The following NR4A3 variants were observed in gnomAD, a reference collection of about 807,000 sequenced individuals.
The protein encoded by NR4A3 is chondrosarcoma, extraskeletal myxoid, fused to EWS.
In NR4A3, 13 loss-of-function variants were observed where a neutral mutation model predicts 55.6. That is an observed-to-expected ratio of 0.23 (90% CI 0.15 to 0.37). The LOEUF is 0.37. Among genes scored for constraint, NR4A3 ranks in the 10% least tolerant of loss-of-function variants. The pLI, the probability that NR4A3 is intolerant of heterozygous loss-of-function variation, is 1.00. For synonymous variants in NR4A3, 342 were observed against 357.9 expected (o/e 0.96, Z 0.50); for missense variants, 646 against 822.8 (o/e 0.79, Z 2.63).
intron 5 of NR4A3, among the ~76,000 whole-genome samples, chr9:99,836,037 G>T (rs1827553791): frequency 6.6e-6 from 1 of 152,082 alleles, no homozygotes; most frequent in Non-Finnish European, 1.5e-5. Context: ...ATCAAAAATT[G>T]GACCCAAATC....
chr9:99,826,659 G>A, intron 2 of NR4A3: 2 of 864,246 alleles, frequency 2.3e-6, no homozygotes, highest in Non-Finnish European at 1.9e-6. Flanking sequence ...ACTAGTGAGT[G>A]TATTTTTAAG....
rs142576300 is a variant in NR4A3, at chr9:99,864,950, G to T, written c.*1083G>T. The T allele has an allele frequency of 4.2e-4, 81 of 193,358 alleles. No individual in the cohort carries two copies. The highest frequency in any genetic ancestry group is 1.9e-3 in the African/African-American group (75 of 39,222). 12.0% of individuals were successfully genotyped at this position (193,358 alleles called of 1,614,324 possible). On this transcript the variant is annotated 3_prime_UTR_variant, in exon 8 of 8. Coordinates refer to ENST00000395097, the MANE Select transcript of NR4A3 (RefSeq NM_006981.4). ...AATTTAATTTTTGTTATTGGTTAAG[G>T]AGACAATTTTGGAGAGCAAGCAAAT... is the stretch of plus-strand genomic sequence containing the variant.
At chr9:99,829,951 G>A (rs995924613) in intron 3 of NR4A3, among the ~76,000 whole-genome samples, 17 of 152,186 alleles carry the variant, frequency 1.1e-4, no homozygotes, top group African/African-American at 3.1e-4. Context: ...TGACTCCTGA[G>A]TTCAGTGTTA....
intron 6 of NR4A3, among the ~76,000 whole-genome samples, chr9:99,846,576 A>G (rs932855755): frequency 6.6e-6 from 1 of 152,168 alleles, no homozygotes; most frequent in Admixed American, 6.5e-5. Flanking sequence ...GGTAATACAA[A>G]ATAAGGACTT....
chr9:99,858,459 A>T (rs1225125212), intron 7 of NR4A3, among the ~76,000 whole-genome samples: 1 of 152,234 alleles, frequency 6.6e-6, no homozygotes. Flanking sequence ...CCACACAAAG[A>T]TTAGGAGTGT....
intron 7 of NR4A3, among the ~76,000 whole-genome samples, chr9:99,858,516 C>T (rs1354993475): frequency 6.6e-6 from 1 of 152,180 alleles, no homozygotes; most frequent in Admixed American, 6.5e-5. Flanking sequence ...ACATCGCTTG[C>T]CACAGAATAG....
intron 7 of NR4A3, among the ~76,000 whole-genome samples, chr9:99,848,488 G>A (rs1378206273): frequency 6.6e-6 from 1 of 152,084 alleles, no homozygotes. Flanking sequence ...GGGATTACAG[G>A]TACCTGCCAC....
intron 6 of NR4A3, among the ~76,000 whole-genome samples, chr9:99,846,991 T>C (rs1163645379): frequency 6.6e-6 from 1 of 152,172 alleles, no homozygotes; most frequent in East Asian, 1.9e-4. Flanking sequence ...AATTGTAGTG[T>C]CTAGCCTCAG....
intron 5 of NR4A3, among the ~76,000 whole-genome samples, chr9:99,837,579 G>A (rs1827580459): frequency 6.6e-6 from 1 of 151,320 alleles, no homozygotes; most frequent in Admixed American, 6.6e-5. Context: ...TATATCCATT[G>A]GGGTTTTTTT....
At chr9:99,846,642 T>G (rs1827759042) in intron 6 of NR4A3, among the ~76,000 whole-genome samples, 1 of 152,172 alleles carries the variant, frequency 6.6e-6, no homozygotes, top group African/African-American at 2.4e-5. Context: ...TTACAGGGAC[T>G]TGATTTTTGT....
At chr9:99,863,540 A>G in intron 7 of NR4A3, 80 bp from the exon 8 acceptor site, 1 of 1,512,524 alleles carries the variant, frequency 6.6e-7, no homozygotes, top group African/African-American at 1.4e-5. Context: ...AGAATGAGAC[A>G]CAGACCTCAA....
intron 7 of NR4A3, among the ~76,000 whole-genome samples, chr9:99,851,941 C>T (rs566782082): frequency 7.2e-5 from 11 of 152,308 alleles, no homozygotes; most frequent in African/African-American, 2.6e-4. Context: ...TTGTACCAGT[C>T]TCTTGGGATG....
Position 99,864,641 on chromosome 9 carries a change from A to T in NR4A3, c.*774A>T. 2 of 228,420 alleles carry T rather than the reference A, an allele frequency of 8.8e-6. No individual in the cohort carries two copies. The highest frequency in any genetic ancestry group is 1.7e-5 in the Non-Finnish European group (2 of 114,720). The allele number at this position is 228,420 out of a possible 1,614,324, so 14.1% of individuals were successfully genotyped here. A position where few individuals can be genotyped will look rare whatever the true frequency, so the allele number is the denominator to read the frequency against. ...CCTTCTGAGGTATGGCCCATCCAAG[A>T]CTTTTAGGCCATTCTTGATGGAACC... is the stretch of plus-strand genomic sequence containing the variant. On this transcript the variant is annotated 3_prime_UTR_variant, in exon 8 of 8. Coordinates refer to ENST00000395097, the MANE Select transcript of NR4A3 (RefSeq NM_006981.4).
chr9:99,863,732 G>A lies in NR4A3; in HGVS notation c.1746G>A (p.Lys582=). The A allele has an allele frequency of 6.2e-7, 1 of 1,613,966 alleles. No homozygotes were observed. Among genetic ancestry groups the A allele is most frequent in the Non-Finnish European group, 8.5e-7 (1 of 1,179,956 alleles). ...KGQALEPTES[K]VLGALVELRK... is the part of the protein sequence containing the mutation. ...AGGCTCTGGAGCCCACCGAGTCCAA[G>A]GTCCTGGGTGCCCTGGTAGAACTGA... Residue 582 remains lysine, a synonymous_variant, in exon 8 of 8, where the codon AAG becomes AAA. Transcript: ENST00000395097.
intron 5 of NR4A3, chr9:99,833,922 G>C: frequency 8.4e-7 from 1 of 1,186,282 alleles, no homozygotes; most frequent in South Asian, 2.2e-5. Flanking sequence ...GGAGAGAAGC[G>C]AGCTCTGGCT....
At chr9:99,841,223 C>T (rs1021190931) in intron 5 of NR4A3, among the ~76,000 whole-genome samples, 1 of 133,504 alleles carries the variant, frequency 7.5e-6, no homozygotes, top group Non-Finnish European at 1.6e-5. Context: ...GAGCAAGACT[C>T]TGTCTCCGAA....
chr9:99,826,217 A>G (rs112774227), intron 2 of NR4A3, among the ~76,000 whole-genome samples: 78 of 152,330 alleles, frequency 5.1e-4, no homozygotes, highest in African/African-American at 1.7e-3. Context: ...ATAAAACCCA[A>G]ATCATTTGGG....
At chr9:99,862,390 A>G (rs1219680935) in intron 7 of NR4A3, among the ~76,000 whole-genome samples, 2 of 151,384 alleles carry the variant, frequency 1.3e-5, no homozygotes, top group African/African-American at 4.9e-5. Context: ...CTGAAAATAC[A>G]AAAAATTAGC....
At chr9:99,855,835 C>G (rs1247910014) in intron 7 of NR4A3, among the ~76,000 whole-genome samples, 2 of 152,220 alleles carry the variant, frequency 1.3e-5, no homozygotes, top group Non-Finnish European at 2.9e-5. Context: ...TTGGCTGGAA[C>G]AGCATTGTTG....
Sources: gnomAD v4.1 joint callset for allele counts (sites outside exome capture counted in the v4.1 genomes callset) on GRCh38, gnomAD v4.1.1 for gene constraint, MANE v1.5 for transcripts, NCBI Gene and HGNC (gene_info 2026-07-23, HGNC 2026-07-21) for gene names.